The following NEGR1 variants were observed in gnomAD, a reference collection of about 807,000 sequenced individuals.
The protein encoded by NEGR1 is neuronal growth regulator 1.
NEGR1 carries 10 observed loss-of-function variants against 40.9 expected under a neutral mutation model. The ratio of observed to expected loss-of-function variants is 0.24; its 90% CI spans 0.15 to 0.42. The LOEUF (loss-of-function observed/expected upper bound fraction) is 0.42. Among genes scored for constraint, NEGR1 ranks in the 10% least tolerant of loss-of-function variants. The pLI is 1.00. For synonymous variants in NEGR1, 185 were observed against 166.8 expected (o/e 1.11, Z -0.84); for missense variants, 352 against 438.9 (o/e 0.80, Z 1.77).
intron 2 of NEGR1, among the ~76,000 whole-genome samples, chr1:71,844,781 G>C (rs903524567): frequency 1.3e-5 from 2 of 152,166 alleles, no homozygotes; most frequent in Non-Finnish European, 2.9e-5. Flanking sequence ...GGAGATTAAA[G>C]GAATGAGAGA....
At chr1:72,132,080 G>A (rs1038239245) in intron 1 of NEGR1, among the ~76,000 whole-genome samples, 5 of 152,048 alleles carry the variant, frequency 3.3e-5, no homozygotes, top group African/African-American at 7.2e-5. Context: ...GCCTCGGTGA[G>A]AGAGCAAGAC....
chr1:71,861,218 A>T (rs1449067544), intron 2 of NEGR1, among the ~76,000 whole-genome samples: 1 of 151,990 alleles, frequency 6.6e-6, no homozygotes, highest in Non-Finnish European at 1.5e-5. Context: ...GACTCATATA[A>T]AATGACTCAT....
At chr1:71,878,086 T>C (rs951131958) in intron 2 of NEGR1, among the ~76,000 whole-genome samples, 14 of 152,208 alleles carry the variant, frequency 9.2e-5, no homozygotes, top group African/African-American at 3.4e-4. Context: ...TGCCGACTCT[T>C]ACTATTTTAT....
At chr1:71,593,290 A>C (rs1310680311) in intron 5 of NEGR1, among the ~76,000 whole-genome samples, 1 of 152,186 alleles carries the variant, frequency 6.6e-6, no homozygotes. Context: ...TCATCTATTA[A>C]AGTCAGGAAG....
At chr1:72,071,648 T>A (rs1021571550) in intron 1 of NEGR1, among the ~76,000 whole-genome samples, 3 of 152,112 alleles carry the variant, frequency 2.0e-5, no homozygotes, top group African/African-American at 7.2e-5. Flanking sequence ...AGTGCCAGTG[T>A]GGAATGTCCC....
chr1:71,936,608 T>A lies in NEGR1; in HGVS notation c.177-1297A>T, dbSNP rs1282967280. ...ATATGTGGGCAACACCAGGTAAACA[T>A]GAGAGAAATAGGAATTTCAGGGAAC... On this transcript the variant is annotated intron_variant, in intron 1 of 6. Coordinates refer to ENST00000357731, the MANE Select transcript of NEGR1 (RefSeq NM_173808.3). Among the ~76,000 whole-genome samples, 3 of 152,044 alleles carry A rather than the reference T, an allele frequency of 2.0e-5. No homozygotes were observed. In the South Asian group the frequency reaches 6.2e-4, roughly 32 times the overall value.
intron 6 of NEGR1, among the ~76,000 whole-genome samples, chr1:71,515,613 C>A (rs201271506): frequency 2.5e-5 from 2 of 79,740 alleles, no homozygotes; most frequent in African/African-American, 6.7e-5. Flanking sequence ...CCAGCCACTG[C>A]AAAATCATGC....
chr1:71,906,352 TA>T (rs2101868474), intron 2 of NEGR1, among the ~76,000 whole-genome samples: 2 of 152,048 alleles, frequency 1.3e-5, no homozygotes, highest in African/African-American at 4.8e-5. Flanking sequence ...CTTATCCATG[TA>T]ACCAAACACC....
chr1:71,411,757 T>C (rs554681371), intron 6 of NEGR1, among the ~76,000 whole-genome samples: 1 of 152,102 alleles, frequency 6.6e-6, no homozygotes, highest in Admixed American at 6.5e-5. Context: ...CCCAGCACTT[T>C]GGGAGGCCGA....
At chr1:72,000,954 C>T (rs1181279946) in intron 1 of NEGR1, among the ~76,000 whole-genome samples, 4 of 152,038 alleles carry the variant, frequency 2.6e-5, no homozygotes, top group Non-Finnish European at 5.9e-5. Context: ...CTGAGACATG[C>T]CCACAGCCCC....
intron 1 of NEGR1, among the ~76,000 whole-genome samples, chr1:72,055,680 G>C (rs972860499): frequency 6.7e-6 from 1 of 150,102 alleles, no homozygotes; most frequent in Non-Finnish European, 1.5e-5. Flanking sequence ...TAACAATTTG[G>C]AAAAATGAAG....
At chr1:71,597,388 C>G (rs1270207964) in intron 5 of NEGR1, among the ~76,000 whole-genome samples, 1 of 133,378 alleles carries the variant, frequency 7.5e-6, no homozygotes, top group African/African-American at 2.7e-5. Context: ...TCCTATAATG[C>G]CTTTCTCAAG....
At chr1:72,217,953 G>C (rs1169316242) in intron 1 of NEGR1, among the ~76,000 whole-genome samples, 2 of 151,494 alleles carry the variant, frequency 1.3e-5, no homozygotes, top group Non-Finnish European at 3.0e-5. Context: ...TATGTAGTTG[G>C]GCATGTTATC....
At chr1:71,579,681 A>G (rs1649071551) in intron 6 of NEGR1, among the ~76,000 whole-genome samples, 1 of 150,788 alleles carries the variant, frequency 6.6e-6, no homozygotes, top group South Asian at 2.1e-4. Flanking sequence ...AGTTTAACAT[A>G]TAGATTCCTC....
intron 1 of NEGR1, among the ~76,000 whole-genome samples, chr1:72,163,930 G>C (rs1651682236): frequency 6.6e-6 from 1 of 151,810 alleles, no homozygotes; most frequent in Non-Finnish European, 1.5e-5. Context: ...AATTACACTT[G>C]AAATTAAGAG....
chr1:71,578,394 T>G (rs1649028915), intron 6 of NEGR1, among the ~76,000 whole-genome samples: 1 of 152,170 alleles, frequency 6.6e-6, no homozygotes, highest in South Asian at 2.1e-4. Context: ...ATTCATTGGA[T>G]AGAACAAACT....
intron 6 of NEGR1, among the ~76,000 whole-genome samples, chr1:71,502,832 C>T (rs1647008061): frequency 6.6e-6 from 1 of 152,080 alleles, no homozygotes; most frequent in Non-Finnish European, 1.5e-5. Context: ...GAGATGTATC[C>T]TAGATATGAA....
At chr1:72,198,879 G>T (rs1653097378) in intron 1 of NEGR1, among the ~76,000 whole-genome samples, 1 of 151,748 alleles carries the variant, frequency 6.6e-6, no homozygotes, top group Admixed American at 6.6e-5. Context: ...AATATCAATT[G>T]AATATATTTA....
chr1:71,851,654 T>C (rs920142019), intron 2 of NEGR1, among the ~76,000 whole-genome samples: 5 of 152,070 alleles, frequency 3.3e-5, no homozygotes, highest in African/African-American at 9.7e-5. Flanking sequence ...CGGTAGCTGA[T>C]TGGAGGAAGA....
Sources: allele counts gnomAD v4.1 joint callset (sites outside exome capture counted in the v4.1 genomes callset), GRCh38; gene constraint gnomAD v4.1.1; transcripts MANE v1.5; gene names NCBI Gene and HGNC (gene_info 2026-07-23, HGNC 2026-07-21).